Variants in PTBP3 observed in about 807,000 individuals in gnomAD.
The protein encoded by PTBP3 is polypyrimidine tract-binding protein 3.
Under a neutral mutation model 58.7 loss-of-function variants are expected in PTBP3, and 20 were observed. The ratio of observed to expected loss-of-function variants is 0.34; its 90% CI spans 0.24 to 0.50. The LOEUF is 0.50. Among genes scored for constraint, PTBP3 ranks in the 20% least tolerant of loss-of-function variants. The probability of loss-of-function intolerance (pLI) is 0.98; values close to 1 mark genes in which losing one functional copy is unlikely to be tolerated. For synonymous variants in PTBP3, 185 were observed against 219.8 expected, an observed-to-expected ratio of 0.84 and a Z score of 1.40; for missense variants, 509 against 637.2, an observed-to-expected ratio of 0.80 and a Z score of 2.17.
At chr9:112,272,904 A>C (rs1308024139) in intron 3 of PTBP3, 1 of 152,260 alleles carries the variant, frequency 6.6e-6, no homozygotes, top group Non-Finnish European at 1.5e-5. Context: ...AATTTATAAA[A>C]TATGCATTTG....
At chr9:112,227,929 T>A (rs1192674046) in intron 11 of PTBP3, among the ~76,000 whole-genome samples, 1 of 152,198 alleles carries the variant, frequency 6.6e-6, no homozygotes, top group Non-Finnish European at 1.5e-5. Context: ...ATTAGTTTTA[T>A]CTCAAGCAAG....
At chr9:112,363,302 T>C in the PTBP3 span, among the ~76,000 whole-genome samples, 2 of 152,056 alleles carry the variant, frequency 1.3e-5, no homozygotes, top group South Asian at 2.1e-4. Context: ...CTCAGAACTT[T>C]GGGAATCTGA....
At position 112,276,247 on chromosome 9, in the gene PTBP3, C is replaced by T. The variant is rs559635034; in HGVS notation, c.35-234G>A. Reference sequence around the variant, plus strand: ...GTATTAAATTTTTTAAAACTGAAGTCTGATTTTTAACTTCAAGGAAAAGTA... The same window carrying T: ...GTATTAAATTTTTTAAAACTGAAGTTTGATTTTTAACTTCAAGGAAAAGTA... On this transcript the variant is annotated intron_variant, in intron 2 of 13. Transcript: ENST00000374257. Among the ~76,000 whole-genome samples, 17 of 152,206 alleles carry T rather than the reference C, an allele frequency of 1.1e-4. No homozygotes were observed. In the East Asian group the frequency reaches 2.9e-3, roughly 26 times the overall value.
chr9:112,240,120 AG>A (rs1177515191), intron 7 of PTBP3, among the ~76,000 whole-genome samples: 1 of 152,218 alleles, frequency 6.6e-6, no homozygotes, highest in Non-Finnish European at 1.5e-5. Context: ...TTTGTCAAAA[AG>A]AAAAAAGATG....
chr9:112,283,373 C>G (rs1402643909), intron 2 of PTBP3, among the ~76,000 whole-genome samples: 1 of 152,148 alleles, frequency 6.6e-6, no homozygotes, highest in Non-Finnish European at 1.5e-5. Context: ...CAATGAAGTC[C>G]AGGCTGAGGT....
intron 7 of PTBP3, among the ~76,000 whole-genome samples, chr9:112,241,757 C>A (rs1173053944): frequency 1.3e-5 from 2 of 152,290 alleles, no homozygotes; most frequent in Middle Eastern, 3.4e-3. Flanking sequence ...ATCAAGATAA[C>A]AAATATTCCC....
rs1834791069 is a variant in PTBP3, at chr9:112,221,060, C to T, written c.*2791G>A. The stretch of plus-strand genomic sequence containing the variant: ...ATACTGTAGACCTCTATAATTCAAA[C>T]AGCAAATAGCTTAATATGGACAACA... On this transcript the variant is annotated 3_prime_UTR_variant, in exon 14 of 14. Transcript: ENST00000374257. 1 of 983,746 alleles carries T rather than the reference C, an allele frequency of 1.0e-6. No homozygotes were observed. Among genetic ancestry groups the T allele is most frequent in the Non-Finnish European group, 1.2e-6 (1 of 828,384 alleles). The allele number at this position is 983,746 out of a possible 1,614,324, so 60.9% of individuals were successfully genotyped here.
chr9:112,267,958 A>G, intron 4 of PTBP3, 91 bp downstream of exon 4: 1 of 1,225,470 alleles, frequency 8.2e-7, no homozygotes, highest in South Asian at 2.0e-5. Flanking sequence ...AAAATGAATA[A>G]AAGCACATAA....
intron 1 of PTBP3, among the ~76,000 whole-genome samples, chr9:112,322,134 CAAA>C (rs149553072): frequency 4.4e-5 from 3 of 68,316 alleles, no homozygotes; most frequent in African/African-American, 1.9e-4. Context: ...GACTCCATCT[CAAA>C]AAAAAAAAAA....
chr9:112,357,074 G>C, the PTBP3 span, among the ~76,000 whole-genome samples: 1 of 151,624 alleles, frequency 6.6e-6, no homozygotes, highest in Non-Finnish European at 1.5e-5. Context: ...TAGAGACGGG[G>C]TTTCACCATG....
chr9:112,317,412 A>G (rs933747518), intron 1 of PTBP3, among the ~76,000 whole-genome samples: 1 of 152,092 alleles, frequency 6.6e-6, no homozygotes, highest in Non-Finnish European at 1.5e-5. Context: ...TAAAAGAAAG[A>G]TATCAAGTCA....
At position 112,283,160 on chromosome 9, in the gene PTBP3, CA is replaced by C. The variant is rs1473151553; in HGVS notation, c.35-7148del. 5.3e-5 allele frequency among the ~76,000 whole-genome samples: 8 copies of C among 152,228 alleles called. No homozygotes were observed. The East Asian group carries it at 1.4e-3, about 26-fold the overall frequency. ...GCAGCTCTTTATAGCAGTGTGAGAA[CA>C]GACTAATACAGTAAATTGGTACTGG... On this transcript the variant is annotated intron_variant, in intron 2 of 13. Transcript: ENST00000374257.
intron 1 of PTBP3, among the ~76,000 whole-genome samples, chr9:112,327,208 A>G (rs1253335409): frequency 6.6e-6 from 1 of 151,594 alleles, no homozygotes; most frequent in Non-Finnish European, 1.5e-5. Context: ...GCCTGCCTTC[A>G]AAGAAAAAAA....
the PTBP3 span, among the ~76,000 whole-genome samples, chr9:112,371,547 C>T: frequency 2.6e-5 from 4 of 152,072 alleles, no homozygotes; most frequent in African/African-American, 4.8e-5. Context: ...GAGCACTCTC[C>T]TCCACACATT....
At chr9:112,328,527 C>T (rs1439908809) in intron 1 of PTBP3, among the ~76,000 whole-genome samples, 1 of 152,214 alleles carries the variant, frequency 6.6e-6, no homozygotes, top group African/African-American at 2.4e-5. Context: ...TTTAAATCTT[C>T]TTTCACTTAT....
intron 3 of PTBP3, among the ~76,000 whole-genome samples, chr9:112,272,115 C>T (rs924650309): frequency 2.0e-5 from 3 of 151,976 alleles, no homozygotes; most frequent in East Asian, 1.9e-4. Context: ...TACACTGGAC[C>T]GCAGTGGCGT....
chr9:112,232,353 G>A, intron 8 of PTBP3, 115 bp from the exon 9 acceptor site: 1 of 1,130,122 alleles, frequency 8.8e-7, no homozygotes, highest in South Asian at 1.7e-5. Flanking sequence ...ATGTGTCAAG[G>A]CTACCATAAA....
chr9:112,260,794 T>C (rs941395785), intron 5 of PTBP3, among the ~76,000 whole-genome samples: 1 of 151,940 alleles, frequency 6.6e-6, no homozygotes, highest in Non-Finnish European at 1.5e-5. Flanking sequence ...GAAAAGAGGG[T>C]TAAAAAAGTG....
intron 2 of PTBP3, among the ~76,000 whole-genome samples, chr9:112,282,992 C>A (rs1312099910): frequency 6.6e-6 from 1 of 152,182 alleles, no homozygotes; most frequent in Non-Finnish European, 1.5e-5. Context: ...GAGAGTTTCT[C>A]ATTCACACTC....
Sources: gnomAD v4.1 joint callset for allele counts (sites outside exome capture counted in the v4.1 genomes callset) on GRCh38, gnomAD v4.1.1 for gene constraint, MANE v1.5 for transcripts, NCBI Gene and HGNC (gene_info 2026-07-23, HGNC 2026-07-21) for gene names.